Variants in MAP3K13 observed in about 807,000 individuals in gnomAD.
MAP3K13 encodes leucine zipper-bearing kinase.
In MAP3K13, 52 loss-of-function variants were observed where a neutral mutation model predicts 104.0. The ratio of observed to expected loss-of-function variants is 0.50; its 90% CI spans 0.40 to 0.63. The LOEUF (loss-of-function observed/expected upper bound fraction) is 0.63. Ranked by LOEUF, MAP3K13 falls within the 20% of genes least tolerant of loss-of-function variation. The pLI is 0.00. For missense variants in MAP3K13, 914 were observed against 1,218.5 expected (o/e 0.75, Z 3.72); for synonymous variants, 394 against 442.2 (o/e 0.89, Z 1.37).
intron 7 of MAP3K13, among the ~76,000 whole-genome samples, chr3:185,458,426 A>G (rs1716895711): frequency 6.6e-6 from 1 of 151,662 alleles, no homozygotes; most frequent in Non-Finnish European, 1.5e-5. Flanking sequence ...GTACGATAGC[A>G]TAAAACAAAA....
At chr3:185,328,970 G>GT (rs995725486) in intron 2 of MAP3K13, 10 of 426,044 alleles carry the variant, frequency 2.3e-5, no homozygotes, top group South Asian at 6.8e-5. Context: ...GGTGTAAGTA[G>GT]TTTTTTTTAA....
intron 2 of MAP3K13, among the ~76,000 whole-genome samples, chr3:185,326,749 G>A (rs1560048810): frequency 6.6e-6 from 1 of 152,094 alleles, no homozygotes. Flanking sequence ...TAGGCACTTG[G>A]TTTAATGTAG....
At chr3:185,286,907 A>G (rs1720533703) in intron 2 of MAP3K13, among the ~76,000 whole-genome samples, 1 of 152,124 alleles carries the variant, frequency 6.6e-6, no homozygotes, top group Admixed American at 6.5e-5. Flanking sequence ...AATGCTAGGA[A>G]ACAAACAGCA....
At chr3:185,331,036 A>G (rs1722248057) in intron 2 of MAP3K13, among the ~76,000 whole-genome samples, 1 of 150,930 alleles carries the variant, frequency 6.6e-6, no homozygotes. Context: ...CCCTAACTAA[A>G]ATGGCACCCT....
chr3:185,443,575 G>T lies in MAP3K13; in HGVS notation c.790G>T (p.Ala264Ser), dbSNP rs755591040. 1 of 1,614,122 alleles carries T rather than the reference G, an allele frequency of 6.2e-7. No individual in the cohort carries two copies. The highest frequency in any genetic ancestry group is 2.2e-5 in the East Asian group (1 of 44,882). The change falls in exon 4 of 14, where the codon GCA (alanine) becomes TCA (serine). Residue 264 changes from alanine (A) to serine (S), a missense_variant. Around this residue, in one of 3 missense-constraint regions of MAP3K13, gnomAD observed 175 missense variants for 321.3 expected, o/e 0.54. Coordinates refer to ENST00000265026, the MANE Select transcript of MAP3K13 (RefSeq NM_004721.5). ...RLLVDWSTGI[A>S]SGMNYLHLHK... ...GCTAGTAGACTGGTCCACAGGAATTGCAAGTGGAATGAATTATTTGCACCT... is the reference window on the plus strand; with the variant it reads ...GCTAGTAGACTGGTCCACAGGAATTTCAAGTGGAATGAATTATTTGCACCT...
chr3:185,363,501 A>C (rs1723733052), intron 1 of MAP3K13, 133 bp downstream of exon 1: 1 of 390,712 alleles, frequency 2.6e-6, no homozygotes, highest in African/African-American at 2.2e-5. Flanking sequence ...AGAGAGACAG[A>C]GGCGGAGAGA....
rs1165472011 is a variant in MAP3K13, at chr3:185,473,587, G to A, written c.2256G>A (p.Gly752=). Residue 752 remains glycine (G), a synonymous_variant, in exon 11 of 14, where the codon GGG becomes GGA. Transcript: ENST00000265026. This position sits in a 1 kb window ranked among gnomAD's most constrained non-coding sequence, Gnocchi z 4.9. ...SLDIPSAEPV[G]RSPDLSKSPA... ...ACATACCCTCTGCTGAGCCAGTGGG[G>A]AGGAGCCCTGACCTTTCCAAGTCAC... The A allele has an allele frequency of 6.2e-7, 1 of 1,614,132 alleles. No homozygotes were observed. The highest frequency in any genetic ancestry group is 8.5e-7 in the Non-Finnish European group (1 of 1,180,028).
chr3:185,368,874 A>T (rs530383414), intron 1 of MAP3K13, among the ~76,000 whole-genome samples: 1 of 150,838 alleles, frequency 6.6e-6, no homozygotes, highest in African/African-American at 2.4e-5. Context: ...CAGAAGAATC[A>T]CTTGAACCCG....
intron 2 of MAP3K13, among the ~76,000 whole-genome samples, chr3:185,310,020 G>A (rs963719880): frequency 6.6e-6 from 1 of 152,182 alleles, no homozygotes; most frequent in Non-Finnish European, 1.5e-5. Flanking sequence ...TGCTGAGGGA[G>A]GGACAAGGAT....
At chr3:185,396,479 C>T (rs1464894294) in intron 1 of MAP3K13, among the ~76,000 whole-genome samples, 2 of 152,092 alleles carry the variant, frequency 1.3e-5, no homozygotes, top group Non-Finnish European at 2.9e-5. Context: ...AGCTGTTTCC[C>T]ATTGTTAAGG....
rs894558160 is a variant in MAP3K13, at chr3:185,446,306, A to G, written c.852-1483A>G. Among the ~76,000 whole-genome samples, 10 of 148,786 alleles carry G rather than the reference A, an allele frequency of 6.7e-5. No homozygotes were observed. The South Asian group carries it at 1.7e-3, about 25-fold the overall frequency. The stretch of plus-strand genomic sequence containing the variant: ...GGTCTCGCTCTGTCGCCCAGGCTGT[A>G]GTGCAGTGGCACAATCTCCACTCAC... On this transcript the variant is annotated intron_variant, in intron 4 of 13. Transcript: ENST00000265026.
chr3:185,385,398 C>T lies in MAP3K13; in HGVS notation c.-86+22030C>T, dbSNP rs747105526. On this transcript the variant is annotated intron_variant, in intron 1 of 13. Coordinates refer to ENST00000265026, the MANE Select transcript of MAP3K13 (RefSeq NM_004721.5). The stretch of plus-strand genomic sequence containing the variant: ...ATGTTGGCCAGGCTGGTCTCGAACT[C>T]CTGGCCTCAAGTGATCCACTCACCT... Among the ~76,000 whole-genome samples, 12 of 152,226 alleles carry T rather than the reference C, an allele frequency of 7.9e-5. No individual in the cohort carries two copies. In the East Asian group the frequency reaches 2.3e-3, roughly 30 times the overall value.
rs533941966 is a variant in MAP3K13, at chr3:185,443,529, C to T, written c.744C>T (p.Gly248=). 2 of 1,614,042 alleles carry T rather than the reference C, an allele frequency of 1.2e-6. No individual in the cohort carries two copies. The highest frequency in any genetic ancestry group is 1.7e-6 in the Non-Finnish European group (2 of 1,179,940). The change falls in exon 4 of 14, where the codon GGC becomes GGT. Residue 248 remains glycine, a synonymous_variant. Coordinates refer to ENST00000265026, the MANE Select transcript of MAP3K13 (RefSeq NM_004721.5). ...AACTCTACGAGGTCTTACGAGCTGG[C>T]AGGAAGATCACACCTCGATTGCTAG... is the stretch of plus-strand genomic sequence containing the variant. The part of the protein sequence containing the change: ...HGQLYEVLRA[G]RKITPRLLVD...
At chr3:185,333,424 G>A (rs1722354905) in intron 2 of MAP3K13, among the ~76,000 whole-genome samples, 1 of 152,118 alleles carries the variant, frequency 6.6e-6, no homozygotes, top group South Asian at 2.1e-4. Context: ...AAGACCTAAA[G>A]TGCAGAAAAG....
At chr3:185,476,827 A>G (rs1215171319) in intron 11 of MAP3K13, among the ~76,000 whole-genome samples, 1 of 152,234 alleles carries the variant, frequency 6.6e-6, no homozygotes, top group Non-Finnish European at 1.5e-5. Context: ...CATACAGTAC[A>G]AACAGGATAT....
chr3:185,339,296 G>A (rs1160338815), intron 2 of MAP3K13, among the ~76,000 whole-genome samples: 1 of 152,182 alleles, frequency 6.6e-6, no homozygotes, highest in Non-Finnish European at 1.5e-5. Flanking sequence ...TCCAGCCTGG[G>A]TGACAGAGCG....
Position 185,448,836 on chromosome 3 carries a change from A to G in MAP3K13, c.1010+889A>G, listed in dbSNP as rs567995034. Among the ~76,000 whole-genome samples the G allele has an allele frequency of 2.6e-5, 4 of 152,274 alleles. No individual in the cohort carries two copies. The South Asian group carries it at 6.2e-4, about 24-fold the overall frequency. On this transcript the variant is annotated intron_variant, in intron 5 of 13. Coordinates refer to ENST00000265026, the MANE Select transcript of MAP3K13 (RefSeq NM_004721.5). ...TAAGTGAGCCTGTACTTTTGTTCAT[A>G]TGTGTTACAGCCATCGTATTTGCTT...
At chr3:185,332,338 G>A (rs1722318577) in intron 2 of MAP3K13, among the ~76,000 whole-genome samples, 1 of 152,032 alleles carries the variant, frequency 6.6e-6, no homozygotes, top group Non-Finnish European at 1.5e-5. Flanking sequence ...CATAGTGTTT[G>A]TTTTTTAGAA....
chr3:185,402,950 A>T (rs1712900229), intron 1 of MAP3K13, among the ~76,000 whole-genome samples: 1 of 152,134 alleles, frequency 6.6e-6, no homozygotes, highest in African/African-American at 2.4e-5. Context: ...AGGAGACAAA[A>T]CGTCCTGAGG....
Sources: gnomAD v4.1 joint callset for allele counts (sites outside exome capture counted in the v4.1 genomes callset) on GRCh38, gnomAD v4.1.1 for gene constraint, gnomAD v4.1.1 regional missense constraint, Gnocchi (gnomAD v3.1) non-coding constraint, MANE v1.5 for transcripts, NCBI Gene and HGNC (gene_info 2026-07-23, HGNC 2026-07-21) for gene names.